STK32A: variants seen among roughly 807,000 people sequenced by gnomAD.
STK32A encodes serine/threonine-protein kinase 32A.
A neutral mutation model predicts 53.2 loss-of-function variants in STK32A; 41 were observed. The observed-to-expected ratio is 0.77, with a 90% CI of 0.60 to 1.00. The LOEUF is 1.00. Among genes scored for constraint, STK32A ranks in the 50% least tolerant of loss-of-function variants. The pLI is 0.00. For missense variants in STK32A, 458 were observed against 485.8 expected, an observed-to-expected ratio of 0.94 and a Z score of 0.54; for synonymous variants, 166 against 162.8, an observed-to-expected ratio of 1.02 and a Z score of -0.15.
intron 2 of STK32A, among the ~76,000 whole-genome samples, chr5:147,272,891 G>C (rs528784980): frequency 4.7e-4 from 71 of 152,306 alleles, no homozygotes; most frequent in Middle Eastern, 3.4e-3. Context: ...TGTCCTCGTT[G>C]CCTGTTCAGT....
At chr5:147,262,747 G>C (rs926289567) in intron 2 of STK32A, among the ~76,000 whole-genome samples, 5 of 152,250 alleles carry the variant, frequency 3.3e-5, no homozygotes, top group Non-Finnish European at 7.3e-5. Flanking sequence ...AGGCAGAAGA[G>C]CTTCACTATC....
chr5:147,367,291 C>T (rs1756799305), intron 8 of STK32A, among the ~76,000 whole-genome samples: 1 of 152,096 alleles, frequency 6.6e-6, no homozygotes, highest in African/African-American at 2.4e-5. Context: ...GTCTTGAACT[C>T]CTGGGCTCAA....
intron 2 of STK32A, among the ~76,000 whole-genome samples, chr5:147,260,313 C>G (rs1470227255): frequency 3.7e-5 from 5 of 134,992 alleles, no homozygotes; most frequent in African/African-American, 1.3e-4. Context: ...CTCTCTCTCT[C>G]TCTCTTCTCC....
At chr5:147,249,249 C>T (rs147748040) in intron 2 of STK32A, among the ~76,000 whole-genome samples, 213 of 152,062 alleles carry the variant, frequency 1.4e-3, no homozygotes, top group Middle Eastern at 6.8e-3. Flanking sequence ...AAGTGACTTA[C>T]CTCTCTGATC....
At chr5:147,278,266 G>A in intron 3 of STK32A, 87 bp downstream of exon 3, 1 of 1,071,236 alleles carries the variant, frequency 9.3e-7, no homozygotes. Context: ...TTATTGAGTT[G>A]CTGGGACCGC....
At chr5:147,285,228 G>C (rs1328541662) in intron 4 of STK32A, among the ~76,000 whole-genome samples, 2 of 152,144 alleles carry the variant, frequency 1.3e-5, no homozygotes, top group Non-Finnish European at 2.9e-5. Flanking sequence ...AACAAATGGT[G>C]CTGGGATAAT....
chr5:147,318,897 T>C (rs1327628036), intron 4 of STK32A, among the ~76,000 whole-genome samples: 2 of 152,172 alleles, frequency 1.3e-5, no homozygotes, highest in East Asian at 1.9e-4. Flanking sequence ...CATTTCTCCA[T>C]GTCCTTACCA....
intron 8 of STK32A, among the ~76,000 whole-genome samples, chr5:147,362,889 C>T (rs1756571974): frequency 1.3e-5 from 2 of 151,864 alleles, no homozygotes; most frequent in Non-Finnish European, 1.5e-5. Context: ...GTGAGACCAG[C>T]CTGGGCCACA....
intron 4 of STK32A, among the ~76,000 whole-genome samples, chr5:147,323,449 G>T (rs898622131): frequency 3.3e-5 from 5 of 152,108 alleles, no homozygotes; most frequent in Non-Finnish European, 5.9e-5. Flanking sequence ...TTATAATGTT[G>T]CTGGGCAATG....
intron 7 of STK32A, among the ~76,000 whole-genome samples, chr5:147,352,436 A>T (rs1756026589): frequency 6.6e-6 from 1 of 152,204 alleles, no homozygotes; most frequent in African/African-American, 2.4e-5. Context: ...AAAAACTCTA[A>T]GTTCACCTGT....
chr5:147,299,015 T>C (rs1401889293), intron 4 of STK32A, among the ~76,000 whole-genome samples: 1 of 152,060 alleles, frequency 6.6e-6, no homozygotes, highest in Non-Finnish European at 1.5e-5. Context: ...TCCTGATCCA[T>C]ACCCCAAGAG....
In STK32A at chr5:147,323,085, C is replaced by T. The variant is rs188252687; in HGVS notation, c.261-813C>T. On this transcript the variant is annotated intron_variant, in intron 4 of 12. Transcript: ENST00000397936. The stretch of plus-strand genomic sequence containing the variant: ...TGGTATTTTTCAAATTTTACTTTGG[C>T]ACCTGGAGAACGTTTTGGCACCACC... 9.9e-5 allele frequency among the ~76,000 whole-genome samples: 15 copies of T among 152,284 alleles called. No individual in the cohort carries two copies. The East Asian group carries it at 2.7e-3, about 27-fold the overall frequency.
Position 147,239,581 on chromosome 5 carries a change from G to A in STK32A, c.-54G>A, listed in dbSNP as rs1753476181. ...CGGGACATGTTTTGAGCGAAGATGG[G>A]TGTTTCTGCCCGGATAGTATAAATC... On this transcript the variant is annotated 5_prime_UTR_variant, in exon 2 of 13. The change creates a new upstream start codon in the 5' untranslated region. Transcript: ENST00000397936. The A allele has an allele frequency of 3.6e-6, 5 of 1,397,654 alleles. No homozygotes were observed. The highest frequency in any genetic ancestry group is 4.9e-6 in the Non-Finnish European group (5 of 1,010,168). 86.6% of individuals were successfully genotyped at this position (1,397,654 alleles called of 1,614,324 possible).
At chr5:147,396,288 C>T in the STK32A span, among the ~76,000 whole-genome samples, 1 of 152,160 alleles carries the variant, frequency 6.6e-6, no homozygotes, top group Non-Finnish European at 1.5e-5. Flanking sequence ...TGTGAACTTG[C>T]CCTGGGACTG....
At chr5:147,390,652 C>T (rs556714290), downstream of STK32A, among the ~76,000 whole-genome samples, 5 of 152,210 alleles carry the variant, frequency 3.3e-5, no homozygotes, top group South Asian at 1.0e-3. Flanking sequence ...ACTAACAACT[C>T]AATTTCAAAA....
intron 4 of STK32A, among the ~76,000 whole-genome samples, chr5:147,302,616 G>A (rs1753194358): frequency 6.6e-6 from 1 of 152,130 alleles, no homozygotes; most frequent in Non-Finnish European, 1.5e-5. Flanking sequence ...AAGACTATAG[G>A]GAGGCAGTTA....
intron 4 of STK32A, among the ~76,000 whole-genome samples, chr5:147,319,139 C>CTTTTTTT (rs146817721): frequency 9.9e-6 from 1 of 100,560 alleles, no homozygotes; most frequent in Non-Finnish European, 2.0e-5. Context: ...ACAACTGGTA[C>CTTTTTTT]TTTTTTTTTT....
chr5:147,260,278 GTCTCTCTCTCTCGCCTGTCTC>G (rs1299648877), intron 2 of STK32A, among the ~76,000 whole-genome samples: 12 of 87,454 alleles, frequency 1.4e-4, no homozygotes, highest in African/African-American at 5.5e-4. Context: ...TCCCCTCTCT[GTCTCTCTCTCTCGCCTGTCTC>G]TCTCTCTCTC....
At chr5:147,280,159 C>T (rs1306253242) in intron 4 of STK32A, among the ~76,000 whole-genome samples, 1 of 151,998 alleles carries the variant, frequency 6.6e-6, no homozygotes, top group African/African-American at 2.4e-5. Context: ...CCACAGGGAT[C>T]CAATGGGAGA....
Sources: allele counts gnomAD v4.1 joint callset (sites outside exome capture counted in the v4.1 genomes callset), GRCh38; gene constraint gnomAD v4.1.1; transcripts MANE v1.5; gene names NCBI Gene and HGNC (gene_info 2026-07-23, HGNC 2026-07-21).